The following CRB1 variants were observed in gnomAD, a reference collection of about 807,000 sequenced individuals.
CRB1 encodes the protein crumbs cell polarity complex component 1, also known as protein crumbs homolog 1.
Under a neutral mutation model 120.0 loss-of-function variants are expected in CRB1, and 83 were observed. The ratio of observed to expected loss-of-function variants is 0.69; its 90% confidence interval spans 0.58 to 0.83. The LOEUF is 0.83. Among genes scored for constraint, CRB1 ranks in the 40% least tolerant of loss-of-function variants. The pLI is 0.00. For synonymous variants in CRB1, 625 were observed against 612.5 expected (o/e 1.02, Z -0.30); for missense variants, 1,699 against 1,687.6 (o/e 1.01, Z -0.12).
intron 1 of CRB1, among the ~76,000 whole-genome samples, chr1:197,322,066 C>A (rs1658228407): frequency 6.6e-6 from 1 of 152,096 alleles, no homozygotes. Context: ...AACACAGTAG[C>A]CATTAATCAC....
At chr1:197,371,777 C>T (rs957514982) in intron 5 of CRB1, among the ~76,000 whole-genome samples, 2 of 152,140 alleles carry the variant, frequency 1.3e-5, no homozygotes, top group East Asian at 3.9e-4. Flanking sequence ...TGATGAACAT[C>T]AAGTTGGGGA....
chr1:197,336,364 ATAATT>A (rs146453025), intron 2 of CRB1, among the ~76,000 whole-genome samples: 49 of 152,372 alleles, frequency 3.2e-4, no homozygotes, highest in African/African-American at 1.1e-3. Context: ...AATAATATAG[ATAATT>A]TAATGGTCAT....
intron 1 of CRB1, among the ~76,000 whole-genome samples, chr1:197,279,035 G>A (rs1445456509): frequency 1.3e-5 from 2 of 152,008 alleles, no homozygotes; most frequent in Non-Finnish European, 2.9e-5. Flanking sequence ...CTAGTCTTGT[G>A]TATGAAGAAA....
chr1:197,399,055 C>T (rs545576153), intron 5 of CRB1, among the ~76,000 whole-genome samples: 5 of 152,020 alleles, frequency 3.3e-5, no homozygotes. Context: ...TCTCCACTTG[C>T]AATGCTCACC....
At chr1:197,464,537 G>A (rs1666670032) in intron 11 of CRB1, among the ~76,000 whole-genome samples, 1 of 152,022 alleles carries the variant, frequency 6.6e-6, no homozygotes, top group Admixed American at 6.6e-5. Flanking sequence ...AGAGAGAGTT[G>A]CGCTGCACTG....
intron 5 of CRB1, among the ~76,000 whole-genome samples, chr1:197,374,982 G>A (rs1275318599): frequency 1.3e-5 from 2 of 152,046 alleles, no homozygotes; most frequent in Admixed American, 6.6e-5. Context: ...CAGGACCTTG[G>A]GGGTCTTTTG....
intron 5 of CRB1, among the ~76,000 whole-genome samples, chr1:197,365,880 C>T (rs545194673): frequency 6.6e-6 from 1 of 152,114 alleles, no homozygotes; most frequent in African/African-American, 2.4e-5. Context: ...ACCAGTTCAC[C>T]TTCCTCTTCC....
intron 5 of CRB1, among the ~76,000 whole-genome samples, chr1:197,385,309 T>C (rs1445027011): frequency 6.6e-6 from 1 of 152,212 alleles, no homozygotes; most frequent in East Asian, 1.9e-4. Flanking sequence ...CAAAACAATA[T>C]ATCTTTAAAA....
chr1:197,256,327 G>A, the CRB1 span, among the ~76,000 whole-genome samples: 2 of 151,852 alleles, frequency 1.3e-5, no homozygotes, highest in African/African-American at 4.8e-5. Context: ...GCCACAGGGA[G>A]TAGTCCTTGT....
At chr1:197,342,229 A>G (rs574591548) in intron 2 of CRB1, among the ~76,000 whole-genome samples, 2 of 152,302 alleles carry the variant, frequency 1.3e-5, no homozygotes, top group East Asian at 3.9e-4. Context: ...AATTGTCACC[A>G]CATCCTGAGG....
intron 5 of CRB1, among the ~76,000 whole-genome samples, chr1:197,402,771 T>A (rs1269133268): frequency 6.6e-6 from 1 of 152,202 alleles, no homozygotes; most frequent in Non-Finnish European, 1.5e-5. Context: ...AGTATTTAGC[T>A]TAATGAGTTC....
At chr1:197,337,102 A>T (rs901430956) in intron 2 of CRB1, among the ~76,000 whole-genome samples, 20 of 152,254 alleles carry the variant, frequency 1.3e-4, no homozygotes, top group African/African-American at 4.8e-4. Context: ...GGCTTTTGGG[A>T]GGTAATTTGG....
At chr1:197,430,227 T>C (rs1290944339) in intron 8 of CRB1, among the ~76,000 whole-genome samples, 7 of 152,208 alleles carry the variant, frequency 4.6e-5, no homozygotes, top group Non-Finnish European at 8.8e-5. Flanking sequence ...AATTTTGACA[T>C]ATCCACCCAC....
intron 5 of CRB1, among the ~76,000 whole-genome samples, chr1:197,383,588 A>T (rs1477730753): frequency 1.3e-5 from 2 of 152,210 alleles, no homozygotes; most frequent in Non-Finnish European, 2.9e-5. Flanking sequence ...GTTGAAAGAA[A>T]TGTCTTTTGA....
chr1:197,358,764 A>G (rs1041634632), intron 5 of CRB1, among the ~76,000 whole-genome samples: 2 of 150,310 alleles, frequency 1.3e-5, no homozygotes, highest in African/African-American at 2.4e-5. Context: ...GCCAACCACT[A>G]CAAGTAATGA....
chr1:197,402,279 GCT>G (rs1663105000), intron 5 of CRB1, among the ~76,000 whole-genome samples: 1 of 151,990 alleles, frequency 6.6e-6, no homozygotes, highest in Non-Finnish European at 1.5e-5. Context: ...TCATCATTTA[GCT>G]CTCACTTATA....
chr1:197,289,722 A>G (rs558220849), intron 1 of CRB1, among the ~76,000 whole-genome samples: 7 of 151,840 alleles, frequency 4.6e-5, no homozygotes, highest in African/African-American at 1.4e-4. Context: ...CTTTTCAGCT[A>G]TGTCTAATAT....
intron 5 of CRB1, among the ~76,000 whole-genome samples, chr1:197,369,915 G>A (rs1281204698): frequency 6.6e-6 from 1 of 152,024 alleles, no homozygotes; most frequent in Non-Finnish European, 1.5e-5. Context: ...CTTGAATGGT[G>A]GTTGTCTTTT....
the CRB1 span, among the ~76,000 whole-genome samples, chr1:197,242,406 A>C: frequency 3.3e-5 from 5 of 152,102 alleles, no homozygotes; most frequent in African/African-American, 9.7e-5. Context: ...AATTTTATCA[A>C]AGGCCTTTTC....
Sources: gnomAD v4.1 joint callset for allele counts (sites outside exome capture counted in the v4.1 genomes callset) on GRCh38, gnomAD v4.1.1 for gene constraint, MANE v1.5 for transcripts, NCBI Gene and HGNC (gene_info 2026-07-23, HGNC 2026-07-21) for gene names.